STK32B: variants seen among roughly 807,000 people sequenced by gnomAD.
STK32B encodes serine/threonine kinase 32B, also known as serine/threonine-protein kinase 32B.
STK32B carries 43 observed loss-of-function variants against 52.6 expected under a neutral mutation model. The ratio of observed to expected loss-of-function variants is 0.82; its 90% confidence interval spans 0.64 to 1.05. STK32B has a LOEUF of 1.05. Among genes scored for constraint, STK32B ranks in the 50% least tolerant of loss-of-function variants. The pLI, the probability that STK32B is intolerant of heterozygous loss-of-function variation, is 0.00. For synonymous variants in STK32B, 238 were observed against 204.3 expected (o/e 1.17, Z -1.41); for missense variants, 621 against 534.6 (o/e 1.16, Z -1.59).
At chr4:5,404,637 C>A (rs977587394) in intron 5 of STK32B, among the ~76,000 whole-genome samples, 1 of 151,964 alleles carries the variant, frequency 6.6e-6, no homozygotes, top group African/African-American at 2.4e-5. Context: ...ATATTTTGGT[C>A]TCTTAATCTA....
chr4:5,426,208 G>C (rs1713075549), intron 6 of STK32B, among the ~76,000 whole-genome samples: 1 of 152,148 alleles, frequency 6.6e-6, no homozygotes, highest in Non-Finnish European at 1.5e-5. Context: ...AGCAGCGAAT[G>C]AGAGACCCGG....
intron 3 of STK32B, among the ~76,000 whole-genome samples, chr4:5,217,074 A>T (rs1182710760): frequency 1.3e-5 from 2 of 152,200 alleles, no homozygotes; most frequent in Admixed American, 6.5e-5. Flanking sequence ...AGCAAAACCG[A>T]ACTTATGTGG....
intron 4 of STK32B, among the ~76,000 whole-genome samples, chr4:5,347,188 A>T (rs1038816098): frequency 6.6e-6 from 1 of 152,152 alleles, no homozygotes; most frequent in African/African-American, 2.4e-5. Flanking sequence ...TGTCTTGGGG[A>T]GCTGGAAAGC....
At chr4:5,076,643 G>A (rs753756574) in intron 1 of STK32B, among the ~76,000 whole-genome samples, 10 of 152,028 alleles carry the variant, frequency 6.6e-5, no homozygotes, top group Non-Finnish European at 1.2e-4. Flanking sequence ...TCTGCATTTC[G>A]CATCTTTTCA....
At chr4:5,317,722 C>T (rs112575398) in intron 3 of STK32B, among the ~76,000 whole-genome samples, 17,769 of 150,006 alleles carry the variant, frequency 0.12, 1,187 homozygotes, top group African/African-American at 0.19. Context: ...TGGGAGGCTT[C>T]TTGGAGAAGG....
chr4:5,138,494 T>C (rs1046527628), intron 1 of STK32B, among the ~76,000 whole-genome samples: 32 of 152,190 alleles, frequency 2.1e-4, no homozygotes, highest in African/African-American at 7.7e-4. Context: ...CCAGGAGTTG[T>C]GTTTGGCACT....
chr4:5,352,807 C>G (rs918472897), intron 4 of STK32B, among the ~76,000 whole-genome samples: 1 of 151,694 alleles, frequency 6.6e-6, no homozygotes, highest in Non-Finnish European at 1.5e-5. Context: ...AATTAACTAG[C>G]TAATATTGTT....
intron 11 of STK32B, among the ~76,000 whole-genome samples, chr4:5,475,551 T>A (rs929788647): frequency 6.8e-6 from 1 of 147,738 alleles, no homozygotes; most frequent in Admixed American, 6.9e-5. Context: ...ATACAAAAAT[T>A]AGGCAAGCGT....
chr4:5,025,983 C>T, the STK32B span, among the ~76,000 whole-genome samples: 4 of 152,296 alleles, frequency 2.6e-5, no homozygotes, highest in South Asian at 2.1e-4. Flanking sequence ...GTCCCATGAC[C>T]GACACCTCTC....
At chr4:5,249,423 C>T (rs1382721637) in intron 3 of STK32B, among the ~76,000 whole-genome samples, 6 of 52,696 alleles carry the variant, frequency 1.1e-4, no homozygotes, top group African/African-American at 1.1e-4. Context: ...CCTGTCTGTT[C>T]TTCCTTCCTT....
At chr4:5,477,972 G>A (rs930637505) in intron 11 of STK32B, among the ~76,000 whole-genome samples, 6 of 152,072 alleles carry the variant, frequency 3.9e-5, no homozygotes, top group African/African-American at 7.2e-5. Flanking sequence ...CAGCTGAGGC[G>A]GAAAAGCTCA....
At chr4:5,247,150 G>T (rs1302755758) in intron 3 of STK32B, among the ~76,000 whole-genome samples, 1 of 152,202 alleles carries the variant, frequency 6.6e-6, no homozygotes, top group Admixed American at 6.5e-5. Flanking sequence ...TCTTTTGTTT[G>T]TCTGTGCCCT....
In STK32B at chr4:5,331,262, C is replaced by T. The variant is rs1443070912; in HGVS notation, c.303C>T (p.Asp101=). Residue 101 remains aspartate, a synonymous_variant, in exon 4 of 12, where the codon GAC becomes GAT. Transcript: ENST00000282908. ...QDEEDMFMVV[D]LLLGGDLRYH... ...AGGAGGACATGTTCATGGTGGTGGA[C>T]CTGCTCCTGGGAGGCGACCTGCGCT... 2.5e-6 allele frequency: 4 copies of T among 1,613,666 alleles called. No homozygotes were observed. The highest frequency in any genetic ancestry group is 2.2e-5 in the East Asian group (1 of 44,860).
chr4:5,029,465 C>T, the STK32B span, among the ~76,000 whole-genome samples: 1 of 152,076 alleles, frequency 6.6e-6, no homozygotes, highest in Non-Finnish European at 1.5e-5. Context: ...CACAAGAGAA[C>T]GGATGCTGGT....
intron 1 of STK32B, among the ~76,000 whole-genome samples, chr4:5,063,478 G>T (rs1283777127): frequency 6.6e-6 from 1 of 152,020 alleles, no homozygotes; most frequent in African/African-American, 2.4e-5. Flanking sequence ...GAGTAGCTGG[G>T]ACTACAGGTG....
chr4:5,106,116 A>G (rs1714094830), intron 1 of STK32B, among the ~76,000 whole-genome samples: 1 of 151,814 alleles, frequency 6.6e-6, no homozygotes, highest in South Asian at 2.1e-4. Context: ...CAGGCTAGCC[A>G]ACACGATGAA....
chr4:5,456,827 G>T lies in STK32B; in HGVS notation c.687G>T (p.Ser229=). Residue 229 remains serine (S), a synonymous_variant, in exon 8 of 12, where the codon TCG becomes TCT. Coordinates refer to ENST00000282908, the MANE Select transcript of STK32B (RefSeq NM_018401.3). ...LRGWRPYEIH[S]VTPIDEILNM... ...TGCAGAGGCCGTACGAAATCCACTCGGTCACGCCCATCGATGAAATCCTCA... is the reference window on the plus strand; with the variant it reads ...TGCAGAGGCCGTACGAAATCCACTCTGTCACGCCCATCGATGAAATCCTCA... 1 of 1,590,374 alleles carries T rather than the reference G, an allele frequency of 6.3e-7. No homozygotes were observed. The highest frequency in any genetic ancestry group is 1.2e-5 in the South Asian group (1 of 86,532).
chr4:5,459,993 A>T, intron 8 of STK32B, 110 bp from the exon 9 acceptor site: 1 of 1,494,134 alleles, frequency 6.7e-7, no homozygotes, highest in African/African-American at 1.4e-5. Context: ...ACATCAATAG[A>T]GCGTGAAGAG....
chr4:5,191,936 G>A (rs1212991693), intron 3 of STK32B, among the ~76,000 whole-genome samples: 1 of 152,182 alleles, frequency 6.6e-6, no homozygotes, highest in African/African-American at 2.4e-5. Flanking sequence ...AATACAACAG[G>A]GGCATGGCAC....
Sources: allele counts gnomAD v4.1 joint callset (sites outside exome capture counted in the v4.1 genomes callset), GRCh38; gene constraint gnomAD v4.1.1; transcripts MANE v1.5; gene names NCBI Gene and HGNC (gene_info 2026-07-23, HGNC 2026-07-21).